Variants in IFT140 observed in about 807,000 individuals in gnomAD.
IFT140 encodes intraflagellar transport 140, also known as intraflagellar transport protein 140 homolog.
Under a neutral mutation model 164.6 loss-of-function variants are expected in IFT140, and 133 were observed. That is an observed-to-expected ratio of 0.81 (90% CI 0.70 to 0.93). IFT140 has a LOEUF of 0.93. Ranked by LOEUF, IFT140 falls within the 40% of genes least tolerant of loss-of-function variation. IFT140 has a pLI of 0.00. For missense variants in IFT140, 2,045 were observed against 1,972.3 expected, an observed-to-expected ratio of 1.04 and a Z score of -0.70; for synonymous variants, 860 against 817.3, an observed-to-expected ratio of 1.05 and a Z score of -0.89.
chr16:1,554,168 G>A (rs1006749414), intron 19 of IFT140: 18 of 1,274,392 alleles, frequency 1.4e-5, no homozygotes, highest in Non-Finnish European at 1.8e-5. Context: ...ACAAGGCCCT[G>A]GCCCCATCTC....
At chr16:1,591,134 C>T (rs528971223) in intron 6 of IFT140, among the ~76,000 whole-genome samples, 28 of 152,336 alleles carry the variant, frequency 1.8e-4, no homozygotes, top group African/African-American at 5.5e-4. Context: ...CCCGGACAAC[C>T]GGCAGGAATT....
intron 19 of IFT140, chr16:1,541,035 G>C: frequency 1.0e-6 from 1 of 985,404 alleles, no homozygotes. Context: ...CTCTGCTACA[G>C]AAACGTGACG....
intron 2 of IFT140, 74 bp from the exon 3 acceptor site, chr16:1,607,371 C>T (rs1367241885): frequency 2.0e-5 from 26 of 1,316,904 alleles, no homozygotes; most frequent in Non-Finnish European, 2.3e-5. Flanking sequence ...CATGGAATGA[C>T]GAAAAGGAAG....
At chr16:1,602,805 T>C (rs998048501) in intron 3 of IFT140, among the ~76,000 whole-genome samples, 12 of 152,110 alleles carry the variant, frequency 7.9e-5, no homozygotes, top group African/African-American at 2.7e-4. Flanking sequence ...CCAGGTGTGA[T>C]GGCGGGCGTC....
intron 17 of IFT140, 132 bp from the exon 18 acceptor site, chr16:1,562,248 CG>C: frequency 7.2e-6 from 5 of 690,276 alleles, no homozygotes; most frequent in African/African-American, 1.9e-5. Context: ...ATGGTGGGGT[CG>C]GGTGCTTTGC....
chr16:1,605,101 G>A (rs943064921), intron 3 of IFT140, among the ~76,000 whole-genome samples: 24 of 152,166 alleles, frequency 1.6e-4, no homozygotes, highest in Non-Finnish European at 3.4e-4. Flanking sequence ...TCAGATCACA[G>A]GAGAAGGAAG....
chr16:1,546,496 G>A (rs2032184321), intron 19 of IFT140, among the ~76,000 whole-genome samples: 1 of 152,200 alleles, frequency 6.6e-6, no homozygotes. Flanking sequence ...GCACAGATGT[G>A]CCCTCGTCAG....
chr16:1,553,718 T>C lies in IFT140; in HGVS notation c.2399+4217A>G, dbSNP rs2141412728. 1.8e-6 allele frequency: 2 copies of C among 1,118,374 alleles called. No individual in the cohort carries two copies. The highest frequency in any genetic ancestry group is 2.2e-6 in the Non-Finnish European group (2 of 903,044). 69.3% of individuals were successfully genotyped at this position (1,118,374 alleles called of 1,614,324 possible). ...GGAGGCCCCATGGCCTCCAGGACAA[T>C]CTGTGGCCACATCCCCATGGCTGTA... On this transcript the variant is annotated intron_variant, in intron 19 of 30. Transcript: ENST00000426508. The surrounding 1 kb of genome is among the most constrained non-coding windows in gnomAD (Gnocchi z 4.4).
intron 13 of IFT140, among the ~76,000 whole-genome samples, chr16:1,572,513 G>T (rs940071602): frequency 6.6e-6 from 1 of 152,214 alleles, no homozygotes; most frequent in Admixed American, 6.5e-5. Flanking sequence ...GGGTGTGGCG[G>T]TGGGTGCCTG....
At chr16:1,583,216 T>C (rs1406310249) in intron 12 of IFT140, 98 bp downstream of exon 12, 30 of 1,064,412 alleles carry the variant, frequency 2.8e-5, no homozygotes, top group Non-Finnish European at 3.9e-5. Flanking sequence ...CCAGCCCCTG[T>C]GCCAGCCCTC....
Position 1,524,539 on chromosome 16 carries a change from G to A in IFT140, c.3141+13C>T, listed in dbSNP as rs1189568433. On this transcript the variant is annotated intron_variant, in intron 24 of 30. Transcript: ENST00000426508. ...TCGAGAAGCGCCGGCTCCCCACCCC[G>A]GGCCCGTGGTACCTTGCACAGGCGG... The A allele has an allele frequency of 6.8e-6, 11 of 1,610,942 alleles. No individual in the cohort carries two copies. The highest frequency in any genetic ancestry group is 2.2e-5 in the East Asian group (1 of 44,838).
At chr16:1,571,936 TG>T (rs2034037480) in intron 13 of IFT140, among the ~76,000 whole-genome samples, 1 of 152,074 alleles carries the variant, frequency 6.6e-6, no homozygotes, top group South Asian at 2.1e-4. Flanking sequence ...TGGGGAGCTC[TG>T]GGGGGCCCTG....
chr16:1,512,200 G>GGGTGAGGGGT (rs1298054748), intron 30 of IFT140, among the ~76,000 whole-genome samples: 3 of 115,746 alleles, frequency 2.6e-5, no homozygotes, highest in Admixed American at 8.4e-5. Flanking sequence ...CGGCATAGGT[G>GGGTGAGGGGT]GGTGGGGGGC....
At chr16:1,554,882 C>T (rs1310306909) in intron 19 of IFT140, 8 of 1,614,252 alleles carry the variant, frequency 5.0e-6, no homozygotes, top group South Asian at 2.2e-5. Flanking sequence ...GCCTTCTGGC[C>T]ACGCTGGCGG....
Position 1,511,013 on chromosome 16 carries a change from G to A in IFT140, c.4320C>T (p.Arg1440=), listed in dbSNP as rs2040124333. 3 of 1,608,890 alleles carry A rather than the reference G, an allele frequency of 1.9e-6. No homozygotes were observed. Among genetic ancestry groups the A allele is most frequent in the African/African-American group, 1.3e-5 (1 of 74,836 alleles). ...PLPRTVPEQV[R]HNSMEDAREL... is the part of the protein sequence containing the mutation. ...CCCTGGCGTCCTCCATGCTGTTGTG[G>A]CGGACCTGCTCGGGGACGGTGCGTG... Residue 1440 remains arginine, a synonymous_variant, in exon 31 of 31, where the codon CGC becomes CGT. Transcript: ENST00000426508.
Position 1,553,796 on chromosome 16 carries a change from C to A in IFT140, c.2399+4139G>T. On this transcript the variant is annotated intron_variant, in intron 19 of 30. Transcript: ENST00000426508. This position sits in a 1 kb window ranked among gnomAD's most constrained non-coding sequence, Gnocchi z 4.4. ...GACAGCCTCTCCTCCATCCTAGAGC[C>A]TATGTTTCCAGCTGGATTAGGACGC... 8.3e-7 allele frequency: 1 copy of A among 1,197,750 alleles called. No homozygotes were observed. The highest frequency in any genetic ancestry group is 1.5e-5 in the South Asian group (1 of 64,876). The allele number at this position is 1,197,750 out of a possible 1,614,324, so 74.2% of individuals were successfully genotyped here.
At chr16:1,524,753 C>G (rs766045677) in intron 23 of IFT140, 31 bp downstream of exon 23, 2 of 1,589,190 alleles carry the variant, frequency 1.3e-6, no homozygotes, top group Admixed American at 3.4e-5. Context: ...GCCTCGTGTC[C>G]GCCTGGCCGG....
chr16:1,598,330 C>T (rs1400556800), intron 4 of IFT140, among the ~76,000 whole-genome samples: 1 of 151,988 alleles, frequency 6.6e-6, no homozygotes, highest in Admixed American at 6.6e-5. Flanking sequence ...TGGTGGCGGG[C>T]ACCTGTAGTC....
At position 1,510,712 on chromosome 16, in the gene IFT140, T is replaced by C; in HGVS notation, c.*232A>G. ...ACCCGACTCCCTTCAAAGGAATGAA[T>C]CCAAAAATCTAGTGGAGCTGCCGGG... On this transcript the variant is annotated 3_prime_UTR_variant, in exon 31 of 31. Transcript: ENST00000426508. 1 of 592,874 alleles carries C rather than the reference T, an allele frequency of 1.7e-6. No homozygotes were observed. The highest frequency in any genetic ancestry group is 3.0e-6 in the Non-Finnish European group (1 of 334,158). 36.7% of individuals were successfully genotyped at this position (592,874 alleles called of 1,614,324 possible).
Sources: allele counts gnomAD v4.1 joint callset (sites outside exome capture counted in the v4.1 genomes callset), GRCh38; gene constraint gnomAD v4.1.1; non-coding constraint Gnocchi (gnomAD v3.1); transcripts MANE v1.5; gene names NCBI Gene and HGNC (gene_info 2026-07-23, HGNC 2026-07-21).